NPAS3: variants seen among roughly 807,000 people sequenced by gnomAD.
NPAS3 encodes the protein neuronal PAS domain-containing protein 3.
NPAS3 carries 14 observed loss-of-function variants against 73.1 expected under a neutral mutation model. The observed-to-expected ratio is 0.19, with a 90% CI of 0.13 to 0.30. The LOEUF is 0.30. NPAS3 is among the 10% of genes least tolerant of loss of function. The pLI is 1.00. For synonymous variants in NPAS3, 620 were observed against 541.5 expected (o/e 1.14, Z -2.01); for missense variants, 1,096 against 1,250.0 (o/e 0.88, Z 1.86).
At chr14:33,111,914 C>A (rs1462031159) in intron 2 of NPAS3, among the ~76,000 whole-genome samples, 2 of 150,660 alleles carry the variant, frequency 1.3e-5, no homozygotes, top group African/African-American at 2.4e-5. Context: ...TGAGAACATG[C>A]GGTGTTTGGT....
At chr14:33,674,893 T>C (rs1234400672) in intron 5 of NPAS3, among the ~76,000 whole-genome samples, 1 of 152,174 alleles carries the variant, frequency 6.6e-6, no homozygotes, top group African/African-American at 2.4e-5. Context: ...TTACCGGGAC[T>C]TGGAGTTCTG....
intron 6 of NPAS3, among the ~76,000 whole-genome samples, chr14:33,731,608 T>G (rs1002197980): frequency 3.9e-5 from 6 of 152,098 alleles, no homozygotes; most frequent in Admixed American, 2.6e-4. Context: ...CTTTACCGCC[T>G]CCTGCCCCTA....
intron 4 of NPAS3, among the ~76,000 whole-genome samples, chr14:33,462,295 T>TA (rs1421296194): frequency 6.6e-6 from 1 of 152,190 alleles, no homozygotes; most frequent in Non-Finnish European, 1.5e-5. Flanking sequence ...CCCCCAGCAC[T>TA]ATGATAGTCA....
chr14:33,193,973 A>G (rs1240861609), intron 2 of NPAS3, among the ~76,000 whole-genome samples: 1 of 152,214 alleles, frequency 6.6e-6, no homozygotes, highest in East Asian at 1.9e-4. Flanking sequence ...TCAGACTGTG[A>G]ATTCATTCTT....
intron 4 of NPAS3, among the ~76,000 whole-genome samples, chr14:33,494,287 G>A (rs2052053220): frequency 6.6e-6 from 1 of 152,094 alleles, no homozygotes; most frequent in Non-Finnish European, 1.5e-5. Context: ...GTTTCATCAA[G>A]GATGCTTGTG....
chr14:33,379,214 CT>C (rs899836979), intron 4 of NPAS3, among the ~76,000 whole-genome samples: 28 of 145,672 alleles, frequency 1.9e-4, no homozygotes, highest in South Asian at 2.2e-4. Context: ...TGGTCCCAAG[CT>C]TTTTTTTTTT....
intron 7 of NPAS3, among the ~76,000 whole-genome samples, chr14:33,764,955 G>T (rs949524999): frequency 1.2e-4 from 19 of 152,134 alleles, no homozygotes; most frequent in African/African-American, 4.3e-4. Flanking sequence ...AGAAAATGTG[G>T]TTTATATCCT....
chr14:32,994,714 C>T (rs370048366), intron 1 of NPAS3, among the ~76,000 whole-genome samples: 10 of 149,178 alleles, frequency 6.7e-5, no homozygotes, highest in African/African-American at 2.5e-4. Flanking sequence ...TCACTGTAAC[C>T]TCCACCTCCC....
chr14:33,781,444 G>A (rs962451590), intron 9 of NPAS3, among the ~76,000 whole-genome samples: 6 of 152,176 alleles, frequency 3.9e-5, no homozygotes, highest in Non-Finnish European at 7.3e-5. Context: ...ATAAGTCTTG[G>A]TTGTGTAAAC....
At chr14:33,312,953 G>A (rs376663163) in intron 3 of NPAS3, among the ~76,000 whole-genome samples, 2 of 152,020 alleles carry the variant, frequency 1.3e-5, no homozygotes, top group South Asian at 2.1e-4. Flanking sequence ...TTTAATTATG[G>A]CATCCATTTA....
intron 5 of NPAS3, among the ~76,000 whole-genome samples, chr14:33,630,955 G>T (rs1251853441): frequency 6.6e-6 from 1 of 152,168 alleles, no homozygotes; most frequent in Non-Finnish European, 1.5e-5. Context: ...TATTCCTGGT[G>T]GTCTGAGACT....
At chr14:33,584,804 C>T (rs891191338) in intron 5 of NPAS3, among the ~76,000 whole-genome samples, 1 of 152,168 alleles carries the variant, frequency 6.6e-6, no homozygotes, top group Non-Finnish European at 1.5e-5. Context: ...CAGGAGTTTA[C>T]TGTTTCTTCA....
intron 1 of NPAS3, among the ~76,000 whole-genome samples, chr14:33,032,892 A>G (rs1024029823): frequency 8.5e-5 from 13 of 152,194 alleles, no homozygotes; most frequent in Admixed American, 3.3e-4. Flanking sequence ...GTGAGCTTGT[A>G]TTATATATAG....
chr14:33,186,073 G>A (rs2045963639), intron 2 of NPAS3, among the ~76,000 whole-genome samples: 1 of 152,142 alleles, frequency 6.6e-6, no homozygotes, highest in Non-Finnish European at 1.5e-5. Flanking sequence ...GGAGATCACT[G>A]ATTTCTGCAA....
chr14:33,801,025 C>G (rs760775497), exon 12 of NPAS3: 16 of 1,590,872 alleles, frequency 1.0e-5, no homozygotes, highest in Non-Finnish European at 1.3e-5. Flanking sequence ...TCACCACGGC[C>G]GAGGGACTCT....
intron 3 of NPAS3, among the ~76,000 whole-genome samples, chr14:33,329,811 A>AGT (rs762081024): frequency 5.4e-4 from 82 of 151,636 alleles, no homozygotes; most frequent in East Asian, 1.4e-3. Context: ...TTAAAAGTGG[A>AGT]GTGTGTGTGT....
rs1302748003 is a variant in NPAS3, at chr14:33,692,244, G to A, written c.733+15859G>A. On this transcript the variant is annotated intron_variant, in intron 6 of 11. Coordinates refer to ENST00000356141, the Ensembl canonical transcript of NPAS3. ...AGACTGAAGTGAGGTGGAAAAGAGAGTGCTGTTCTGCAGCATGTTAACCAA... is the reference window on the plus strand; with the variant it reads ...AGACTGAAGTGAGGTGGAAAAGAGAATGCTGTTCTGCAGCATGTTAACCAA... Among the ~76,000 whole-genome samples the A allele has an allele frequency of 2.7e-4, 41 of 152,160 alleles. 1 individual carries two copies. Among genetic ancestry groups the A allele is most frequent in the Admixed American group, 2.7e-3 (41 of 15,268 alleles).
intron 2 of NPAS3, among the ~76,000 whole-genome samples, chr14:33,064,979 A>G (rs1176913931): frequency 6.6e-6 from 1 of 152,204 alleles, no homozygotes; most frequent in Non-Finnish European, 1.5e-5. Context: ...GTCAGTTTCC[A>G]TAGAGAAACT....
At chr14:33,242,865 A>G (rs1372175545) in intron 3 of NPAS3, among the ~76,000 whole-genome samples, 4 of 152,154 alleles carry the variant, frequency 2.6e-5, no homozygotes, top group Non-Finnish European at 5.9e-5. Context: ...GTGCTATAGC[A>G]TTAGATGATG....
Sources: allele counts gnomAD v4.1 joint callset (sites outside exome capture counted in the v4.1 genomes callset), GRCh38; gene constraint gnomAD v4.1.1; transcripts MANE v1.5; gene names NCBI Gene and HGNC (gene_info 2026-07-23, HGNC 2026-07-21).